ADAMTS6: variants seen among roughly 807,000 people sequenced by gnomAD.
The protein encoded by ADAMTS6 is ADAM metallopeptidase with thrombospondin type 1 motif 6.
Under a neutral mutation model 144.3 loss-of-function variants are expected in ADAMTS6, and 23 were observed. The ratio of observed to expected loss-of-function variants is 0.16; its 90% CI spans 0.11 to 0.23. The LOEUF (loss-of-function observed/expected upper bound fraction) is 0.23, where lower values mean the gene tolerates loss of function less well. Among genes scored for constraint, ADAMTS6 ranks in the 10% least tolerant of loss-of-function variants. ADAMTS6 has a pLI of 1.00. For missense variants in ADAMTS6, 999 were observed against 1,379.6 expected (o/e 0.72, Z 4.37); for synonymous variants, 444 against 457.5 (o/e 0.97, Z 0.38).
chr5:65,183,871 T>A (rs529774857), intron 22 of ADAMTS6, among the ~76,000 whole-genome samples: 92 of 152,274 alleles, frequency 6.0e-4, no homozygotes, highest in Non-Finnish European at 9.1e-4. Context: ...ATTGGGATAT[T>A]TAGTTCAATA....
intron 7 of ADAMTS6, among the ~76,000 whole-genome samples, chr5:65,342,322 C>T (rs1747918550): frequency 6.6e-6 from 1 of 152,026 alleles, no homozygotes; most frequent in Admixed American, 6.6e-5. Context: ...AGGCATGTCT[C>T]ACATGGTGGC....
chr5:65,456,496 T>C (rs937232636), intron 4 of ADAMTS6, among the ~76,000 whole-genome samples: 1 of 152,314 alleles, frequency 6.6e-6, no homozygotes, highest in South Asian at 2.1e-4. Flanking sequence ...TTTTTGTTCA[T>C]AGTACTTACT....
rs558014198 is a variant in ADAMTS6, at chr5:65,301,007, T to C, written c.1224-876A>G. 3.9e-5 allele frequency among the ~76,000 whole-genome samples: 6 copies of C among 152,334 alleles called. No homozygotes were observed. The East Asian group carries it at 1.2e-3, about 29-fold the overall frequency. On this transcript the variant is annotated intron_variant, in intron 9 of 24. Coordinates refer to ENST00000381055, the MANE Select transcript of ADAMTS6 (RefSeq NM_197941.4). ...AATTTGTGGTCGTTTGTATGTGTGT[T>C]TCAAAACACCTTTTGAAAACCATTG...
intron 9 of ADAMTS6, among the ~76,000 whole-genome samples, chr5:65,319,502 A>T (rs1485805921): frequency 1.4e-5 from 2 of 146,398 alleles, no homozygotes; most frequent in Non-Finnish European, 3.0e-5. Context: ...AAACATGGTG[A>T]AACCCCATAT....
chr5:65,204,567 T>C (rs982233937), intron 20 of ADAMTS6, among the ~76,000 whole-genome samples: 3 of 152,100 alleles, frequency 2.0e-5, no homozygotes, highest in Admixed American at 6.5e-5. Context: ...GAGGAGGGAA[T>C]TGTGGGAGAG....
At chr5:65,398,462 C>T (rs192821622) in intron 7 of ADAMTS6, among the ~76,000 whole-genome samples, 252 of 152,042 alleles carry the variant, frequency 1.7e-3, no homozygotes, top group African/African-American at 5.9e-3. Context: ...CGGTGGCTCA[C>T]GCCTGTAATC....
chr5:65,184,788 G>A (rs1010855120), intron 22 of ADAMTS6, among the ~76,000 whole-genome samples: 20 of 152,066 alleles, frequency 1.3e-4, no homozygotes, highest in Admixed American at 3.3e-4. Context: ...GCCATTTTCC[G>A]CCAAGGTAAT....
At chr5:65,334,204 C>T (rs376755963) in intron 7 of ADAMTS6, 119 bp from the exon 8 acceptor site, 1 of 1,144,488 alleles carries the variant, frequency 8.7e-7, no homozygotes. Context: ...TATGAGCAAT[C>T]AACTGGAGTG....
chr5:65,454,204 C>T (rs1298229241), intron 4 of ADAMTS6, among the ~76,000 whole-genome samples: 1 of 152,150 alleles, frequency 6.6e-6, no homozygotes, highest in African/African-American at 2.4e-5. Flanking sequence ...CTTGGACTTC[C>T]CAGCATCCAG....
At chr5:65,294,678 T>A (rs1214953331) in intron 10 of ADAMTS6, among the ~76,000 whole-genome samples, 2 of 152,218 alleles carry the variant, frequency 1.3e-5, no homozygotes, top group Admixed American at 1.3e-4. Context: ...TTCATGCCTC[T>A]GAGTCATCAA....
chr5:65,355,720 A>C lies in ADAMTS6; in HGVS notation c.1074-21635T>G, dbSNP rs16893722. ...CATCTTATCTAAAGCATGACCAAGA[A>C]GTCTAATCGAGAGCTAAAGCTATTT... On this transcript the variant is annotated intron_variant, in intron 7 of 24. Transcript: ENST00000381055. 4.2e-3 allele frequency among the ~76,000 whole-genome samples: 641 copies of C among 151,980 alleles called. 5 individuals are homozygous for C. The highest frequency in any genetic ancestry group is 0.015 in the African/African-American group (610 of 41,564).
chr5:65,235,395 G>A (rs186727435), intron 15 of ADAMTS6, among the ~76,000 whole-genome samples: 1 of 152,308 alleles, frequency 6.6e-6, no homozygotes, highest in East Asian at 1.9e-4. Flanking sequence ...AGGCTGTTGT[G>A]ATGGTTAATA....
At chr5:65,451,223 G>C (rs1163915312) in intron 7 of ADAMTS6, 1 of 370,488 alleles carries the variant, frequency 2.7e-6, no homozygotes, top group Non-Finnish European at 4.8e-6. Context: ...ATTATGAATA[G>C]AACTTATCAG....
At chr5:65,331,443 C>T (rs1224743041) in intron 8 of ADAMTS6, among the ~76,000 whole-genome samples, 3 of 152,038 alleles carry the variant, frequency 2.0e-5, no homozygotes, top group Non-Finnish European at 4.4e-5. Context: ...AGAACAACAA[C>T]TTCAGAAAGA....
intron 11 of ADAMTS6, among the ~76,000 whole-genome samples, chr5:65,282,691 A>T (rs1700854880): frequency 6.6e-6 from 1 of 152,040 alleles, no homozygotes; most frequent in Non-Finnish European, 1.5e-5. Flanking sequence ...TTGGTATCTT[A>T]TTGCTACAAA....
chr5:65,401,126 T>C (rs568863861), intron 7 of ADAMTS6, among the ~76,000 whole-genome samples: 91 of 152,316 alleles, frequency 6.0e-4, no homozygotes, highest in Middle Eastern at 6.8e-3. Context: ...AGACATGATA[T>C]ACTGGGTAAA....
At chr5:65,453,609 T>C (rs1216732669) in intron 4 of ADAMTS6, among the ~76,000 whole-genome samples, 4 of 152,208 alleles carry the variant, frequency 2.6e-5, no homozygotes, top group African/African-American at 4.8e-5. Flanking sequence ...TGGATTGCAA[T>C]GTATCCTTTG....
At chr5:65,162,613 A>ACT (rs1488679696) in intron 24 of ADAMTS6, among the ~76,000 whole-genome samples, 1 of 114,916 alleles carries the variant, frequency 8.7e-6, no homozygotes, top group African/African-American at 3.2e-5. Context: ...AGGATTATAT[A>ACT]AGATACTACA....
chr5:65,217,394 C>T (rs1334131851), intron 18 of ADAMTS6, among the ~76,000 whole-genome samples: 2 of 149,530 alleles, frequency 1.3e-5, no homozygotes, highest in African/African-American at 4.9e-5. Context: ...TTTACAACTA[C>T]TAAATGAAGG....
Sources: gnomAD v4.1 joint callset for allele counts (sites outside exome capture counted in the v4.1 genomes callset) on GRCh38, gnomAD v4.1.1 for gene constraint, MANE v1.5 for transcripts, NCBI Gene and HGNC (gene_info 2026-07-23, HGNC 2026-07-21) for gene names.